TAFA2: variants seen among roughly 807,000 people sequenced by gnomAD.
TAFA2 encodes the protein chemokine-like protein TAFA-2.
A neutral mutation model predicts 18.8 loss-of-function variants in TAFA2; 7 were observed. The ratio of observed to expected loss-of-function variants is 0.37; its 90% CI spans 0.21 to 0.70. The LOEUF (loss-of-function observed/expected upper bound fraction) is 0.70, where lower values mean the gene tolerates loss of function less well. TAFA2 is among the 30% of genes least tolerant of loss of function. The pLI is 0.53. For missense variants in TAFA2, 122 were observed against 158.1 expected (o/e 0.77, Z 1.23); for synonymous variants, 60 against 54.2 (o/e 1.11, Z -0.47).
chr12:62,090,489 A>C (rs1394135146), intron 1 of TAFA2, among the ~76,000 whole-genome samples: 1 of 152,212 alleles, frequency 6.6e-6, no homozygotes, highest in Non-Finnish European at 1.5e-5. Context: ...AGTTGGCATC[A>C]CTTTGAGTAG....
At chr12:62,240,628 T>C (rs2062858453) in intron 1 of TAFA2, among the ~76,000 whole-genome samples, 1 of 152,156 alleles carries the variant, frequency 6.6e-6, no homozygotes, top group African/African-American at 2.4e-5. Flanking sequence ...ATAGATTCCA[T>C]TCAATTATTT....
intron 1 of TAFA2, among the ~76,000 whole-genome samples, chr12:61,975,764 T>C (rs1879410941): frequency 6.6e-6 from 1 of 151,776 alleles, no homozygotes; most frequent in Non-Finnish European, 1.5e-5. Context: ...GGTACAAACT[T>C]GTAGTTAAAA....
intron 1 of TAFA2, chr12:62,021,508 T>C (rs2136730020): frequency 3.2e-6 from 2 of 624,718 alleles, no homozygotes; most frequent in Middle Eastern, 4.4e-4. Flanking sequence ...CAATATTTTA[T>C]TAAAGATCTT....
chr12:62,060,809 C>T (rs968980712), intron 1 of TAFA2, among the ~76,000 whole-genome samples: 3 of 151,676 alleles, frequency 2.0e-5, no homozygotes, highest in Non-Finnish European at 2.9e-5. Context: ...TTAACAAAAA[C>T]TTTAAAAGTA....
intron 1 of TAFA2, among the ~76,000 whole-genome samples, chr12:62,104,287 A>G (rs75129426): frequency 6.6e-6 from 1 of 152,048 alleles, no homozygotes; most frequent in Non-Finnish European, 1.5e-5. Context: ...AAAAAAAAAA[A>G]AAGCTAATGT....
At chr12:62,195,010 T>G (rs552545061), upstream of TAFA2, among the ~76,000 whole-genome samples, 72 of 152,356 alleles carry the variant, frequency 4.7e-4, no homozygotes, top group African/African-American at 1.7e-3. Flanking sequence ...ATCTCTTTGC[T>G]GATGGAGAGT....
At chr12:62,016,215 C>T (rs1880932436) in intron 1 of TAFA2, among the ~76,000 whole-genome samples, 1 of 152,168 alleles carries the variant, frequency 6.6e-6, no homozygotes, top group African/African-American at 2.4e-5. Context: ...AAACTGCCAA[C>T]AGCAGGAACT....
intron 1 of TAFA2, among the ~76,000 whole-genome samples, chr12:62,190,976 G>A (rs1451176053): frequency 6.6e-6 from 1 of 152,116 alleles, no homozygotes; most frequent in Non-Finnish European, 1.5e-5. Context: ...ATGGGGCAGA[G>A]AGGGAGGGCA....
At chr12:61,917,300 CAT>C (rs752969013) in intron 1 of TAFA2, among the ~76,000 whole-genome samples, 11 of 152,132 alleles carry the variant, frequency 7.2e-5, no homozygotes, top group Non-Finnish European at 1.3e-4. Flanking sequence ...TTTTGAAAGA[CAT>C]ATATAAAATA....
At chr12:61,961,875 C>G (rs1421924564) in intron 1 of TAFA2, among the ~76,000 whole-genome samples, 1 of 151,878 alleles carries the variant, frequency 6.6e-6, no homozygotes, top group East Asian at 1.9e-4. Context: ...TTCCTGTTGC[C>G]TACTTAAAAT....
At chr12:62,170,214 A>T (rs1419961476) in intron 1 of TAFA2, among the ~76,000 whole-genome samples, 1 of 152,210 alleles carries the variant, frequency 6.6e-6, no homozygotes, top group Non-Finnish European at 1.5e-5. Context: ...AATGTGGAAC[A>T]AAGGAAACTA....
intron 1 of TAFA2, among the ~76,000 whole-genome samples, chr12:62,148,220 T>C (rs2062301543): frequency 6.6e-6 from 1 of 152,204 alleles, no homozygotes; most frequent in African/African-American, 2.4e-5. Context: ...AAATAAGTCA[T>C]TCTACCAAAA....
chr12:61,890,159 A>T (rs181837521), intron 1 of TAFA2, among the ~76,000 whole-genome samples: 2 of 152,362 alleles, frequency 1.3e-5, no homozygotes, highest in African/African-American at 4.8e-5. Context: ...TGCTGAGTGT[A>T]GGCTTCCCAG....
chr12:62,105,719 C>T (rs1869417749), intron 1 of TAFA2, among the ~76,000 whole-genome samples: 1 of 152,122 alleles, frequency 6.6e-6, no homozygotes, highest in Non-Finnish European at 1.5e-5. Flanking sequence ...ACAGTAATTT[C>T]CCACTAAGTG....
intron 1 of TAFA2, among the ~76,000 whole-genome samples, chr12:61,932,164 C>T (rs754932254): frequency 1.6e-4 from 24 of 151,934 alleles, no homozygotes; most frequent in African/African-American, 5.1e-4. Context: ...GGGAGAAAAC[C>T]AGATTTTAGA....
chr12:62,056,580 G>GCCCACTCTTC (rs947856698), intron 1 of TAFA2, among the ~76,000 whole-genome samples: 3 of 152,124 alleles, frequency 2.0e-5, no homozygotes, highest in Non-Finnish European at 4.4e-5. Flanking sequence ...CACACAACAT[G>GCCCACTCTTC]CCCACTCTTC....
chr12:62,176,043 C>A lies in TAFA2; in HGVS notation c.-2+15216G>T, dbSNP rs572902471. Among the ~76,000 whole-genome samples the A allele has an allele frequency of 5.9e-5, 9 of 152,158 alleles. No homozygotes were observed. The East Asian group carries it at 7.7e-4, about 13-fold the overall frequency. Reference sequence around the variant, plus strand: ...TTTGATGTTGCCATATTAAAGACATCCATAAACTTCAAGAATAGAAATCCA... The same window carrying A: ...TTTGATGTTGCCATATTAAAGACATACATAAACTTCAAGAATAGAAATCCA... On this transcript the variant is annotated intron_variant, in intron 1 of 4. Transcript: ENST00000416284.
intron 1 of TAFA2, among the ~76,000 whole-genome samples, chr12:62,072,734 C>T (rs898089152): frequency 4.6e-5 from 7 of 152,106 alleles, no homozygotes; most frequent in African/African-American, 1.2e-4. Context: ...TGAAATAAGC[C>T]GTGATCACAC....
In TAFA2 at chr12:62,183,056, C is replaced by A. The variant is rs1487019407; in HGVS notation, c.-2+8203G>T. 2.0e-5 allele frequency among the ~76,000 whole-genome samples: 3 copies of A among 152,344 alleles called. No individual in the cohort carries two copies. The East Asian group carries it at 5.8e-4, about 29-fold the overall frequency. On this transcript the variant is annotated intron_variant, in intron 1 of 4. Transcript: ENST00000416284. Reference sequence around the variant, plus strand: ...CTTTCTATGGACTGAATGTTTGTGTCTTCCCAAAATTCATATACTAAAGCC... The same window carrying A: ...CTTTCTATGGACTGAATGTTTGTGTATTCCCAAAATTCATATACTAAAGCC...
Sources: allele counts gnomAD v4.1 joint callset (sites outside exome capture counted in the v4.1 genomes callset), GRCh38; gene constraint gnomAD v4.1.1; transcripts MANE v1.5; gene names NCBI Gene and HGNC (gene_info 2026-07-23, HGNC 2026-07-21).